Variants in DIAPH3 observed in about 807,000 individuals in gnomAD.
DIAPH3 encodes diaphanous related formin 3.
A neutral mutation model predicts 144.3 loss-of-function variants in DIAPH3; 117 were observed. That is an observed-to-expected ratio of 0.81 (90% CI 0.70 to 0.95). DIAPH3 has a LOEUF of 0.95. Ranked by LOEUF, DIAPH3 falls within the 40% of genes least tolerant of loss-of-function variation. The probability of loss-of-function intolerance (pLI) is 0.00; values close to 1 mark genes in which losing one functional copy is unlikely to be tolerated. For synonymous variants in DIAPH3, 519 were observed against 488.9 expected (o/e 1.06, Z -0.81); for missense variants, 1,421 against 1,412.7 (o/e 1.01, Z -0.09).
At chr13:59,722,175 C>A (rs2035378204) in intron 27 of DIAPH3, among the ~76,000 whole-genome samples, 1 of 152,132 alleles carries the variant, frequency 6.6e-6, no homozygotes, top group Non-Finnish European at 1.5e-5. Context: ...CGGTATACGT[C>A]CTCATAGAAG....
intron 2 of DIAPH3, among the ~76,000 whole-genome samples, chr13:60,126,965 G>A (rs1376383150): frequency 1.3e-5 from 2 of 151,446 alleles, no homozygotes; most frequent in African/African-American, 4.8e-5. Context: ...TAAGAAATCA[G>A]AGAAAAAAAT....
intron 22 of DIAPH3, among the ~76,000 whole-genome samples, chr13:59,860,655 A>G (rs151013670): frequency 0.096 from 14,643 of 151,816 alleles, 739 homozygotes; most frequent in Admixed American, 0.14. Flanking sequence ...GGAGAATGGC[A>G]TGAACCTGGG....
chr13:59,981,851 G>C (rs368268228), intron 13 of DIAPH3, among the ~76,000 whole-genome samples: 1 of 150,878 alleles, frequency 6.6e-6, no homozygotes, highest in East Asian at 2.0e-4. Flanking sequence ...ATTATTTCTT[G>C]ATTTATCTAT....
intron 27 of DIAPH3, among the ~76,000 whole-genome samples, chr13:59,750,138 G>A (rs1056061653): frequency 2.0e-5 from 3 of 152,118 alleles, no homozygotes; most frequent in African/African-American, 4.8e-5. Context: ...GATATAACAA[G>A]CCTACAATAT....
rs59114311 is a variant in DIAPH3, at chr13:59,905,342, C to CAAAAAAAAAAAAAA, written c.2367+6379_2367+6392dup. ...TGGGCGACAGAGCGAGACTCTGTCT[C>CAAAAAAAAAAAAAA]AAAAAAAAAAAAAAAAAAAAAAAAA... On this transcript the variant is annotated intron_variant, in intron 20 of 27. Transcript: ENST00000400324. Among the ~76,000 whole-genome samples, 98 of 69,750 alleles carry CAAAAAAAAAAAAAA rather than the reference C, an allele frequency of 1.4e-3. 6 individuals are homozygous for CAAAAAAAAAAAAAA. The highest frequency in any genetic ancestry group is 2.4e-3 in the Admixed American group (13 of 5,360). 45.8% of individuals were successfully genotyped at this position (69,750 alleles called of 152,430 possible). A position where few individuals can be genotyped will look rare whatever the true frequency, so the allele number is the denominator to read the frequency against.
At chr13:60,115,677 CTT>C (rs533462271) in intron 2 of DIAPH3, among the ~76,000 whole-genome samples, 32 of 151,948 alleles carry the variant, frequency 2.1e-4, no homozygotes, top group Non-Finnish European at 3.5e-4. Flanking sequence ...TTAATTTTAA[CTT>C]TTTTTATAAT....
In DIAPH3 at chr13:59,793,606, G is replaced by A. The variant is rs575263302; in HGVS notation, c.3163+17182C>T. Among the ~76,000 whole-genome samples, 15 of 152,208 alleles carry A rather than the reference G, an allele frequency of 9.9e-5. No individual in the cohort carries two copies. The East Asian group carries it at 2.9e-3, about 29-fold the overall frequency. On this transcript the variant is annotated intron_variant, in intron 25 of 27. Transcript: ENST00000400324. ...TTCTTGGTCTTCCTACTACTTTCAT[G>A]TGACTCCCTTGTCAAGGTCCTCTTC...
intron 27 of DIAPH3, among the ~76,000 whole-genome samples, chr13:59,677,749 T>C (rs909586007): frequency 2.0e-5 from 3 of 152,188 alleles, no homozygotes; most frequent in African/African-American, 7.2e-5. Context: ...TGAAAATGAA[T>C]TGTTCCAATA....
chr13:59,812,981 A>G (rs1040345553), intron 24 of DIAPH3, among the ~76,000 whole-genome samples: 1 of 152,148 alleles, frequency 6.6e-6, no homozygotes, highest in Admixed American at 6.5e-5. Flanking sequence ...GTTACTGCCC[A>G]GAATGATAAA....
chr13:59,932,331 A>G (rs1037617917), intron 17 of DIAPH3, among the ~76,000 whole-genome samples: 3 of 152,136 alleles, frequency 2.0e-5, no homozygotes, highest in African/African-American at 7.2e-5. Context: ...ACTGCACTGA[A>G]GGCTTTCTGT....
chr13:59,880,442 T>C (rs2044939391), intron 20 of DIAPH3, among the ~76,000 whole-genome samples: 1 of 152,098 alleles, frequency 6.6e-6, no homozygotes, highest in Non-Finnish European at 1.5e-5. Context: ...CAGATTAAAA[T>C]AGGGACTGTT....
intron 2 of DIAPH3, among the ~76,000 whole-genome samples, chr13:60,126,429 A>G (rs2058990921): frequency 6.6e-6 from 1 of 152,200 alleles, no homozygotes. Flanking sequence ...AGTCACAACA[A>G]TCTTATATAT....
At chr13:59,674,193 C>T (rs148643365) in intron 27 of DIAPH3, among the ~76,000 whole-genome samples, 2 of 152,216 alleles carry the variant, frequency 1.3e-5, no homozygotes, top group African/African-American at 4.8e-5. Flanking sequence ...GGCATAATAT[C>T]GATATGATCA....
rs1203515707 is a variant in DIAPH3 at position 59,830,292 on chromosome 13, AC to A, written c.3027+2814del. Among the ~76,000 whole-genome samples, 6 of 151,812 alleles carry A rather than the reference AC, an allele frequency of 4.0e-5. 1 individual carries two copies. In the East Asian group the frequency reaches 9.6e-4, roughly 24 times the overall value. ...AAATTTAAACAATATAACCATATTT[AC>A]CCCCCAAAAAGAAAGAAAAATAGAA... On this transcript the variant is annotated intron_variant, in intron 24 of 27. Coordinates refer to ENST00000400324, the MANE Select transcript of DIAPH3 (RefSeq NM_001042517.2).
At chr13:60,098,933 A>C (rs2137664) in intron 3 of DIAPH3, among the ~76,000 whole-genome samples, 91,091 of 151,954 alleles carry the variant, frequency 0.6, 27,677 homozygotes, top group Admixed American at 0.63. Context: ...ATGAGGTTAA[A>C]ATTTCCATGG....
At chr13:60,146,237 T>G (rs896478588) in intron 1 of DIAPH3, among the ~76,000 whole-genome samples, 2 of 152,248 alleles carry the variant, frequency 1.3e-5, no homozygotes, top group African/African-American at 4.8e-5. Flanking sequence ...ATATAGTTAC[T>G]GCACATCTAA....
At position 59,916,213 on chromosome 13, in the gene DIAPH3, T is replaced by C; in HGVS notation, c.2207A>G (p.Glu736Gly). 1 of 1,613,378 alleles carries C rather than the reference T, an allele frequency of 6.2e-7. No homozygotes were observed. The highest frequency in any genetic ancestry group is 8.5e-7 in the Non-Finnish European group (1 of 1,179,526). Reference protein sequence around the residue: ...FLSSFRVPYEEIRMMILEVDE... With the variant: ...FLSSFRVPYEGIRMMILEVDE... ...TACTTCCAATATCATCATTCTGATT[T>C]CCTCATATGGCACCCGAAAAGAGCT... The change falls in exon 19 of 28, where the codon GAA becomes GGA. Residue 736 changes from glutamate to glycine, a missense_variant. Physicochemically the swap from Glu to Gly is moderately conservative, Grantham distance 98. Coordinates refer to ENST00000400324, the MANE Select transcript of DIAPH3 (RefSeq NM_001042517.2).
At chr13:60,100,478 A>G (rs1480590303) in intron 3 of DIAPH3, among the ~76,000 whole-genome samples, 1 of 152,210 alleles carries the variant, frequency 6.6e-6, no homozygotes, top group Non-Finnish European at 1.5e-5. Context: ...CTGGAAGAAA[A>G]AAAAGACATG....
At chr13:59,778,171 A>G (rs2038525269) in intron 25 of DIAPH3, among the ~76,000 whole-genome samples, 1 of 152,182 alleles carries the variant, frequency 6.6e-6, no homozygotes, top group Admixed American at 6.5e-5. Flanking sequence ...TTTCTTCACC[A>G]AGCTAGCTCT....
Sources: allele counts gnomAD v4.1 joint callset (sites outside exome capture counted in the v4.1 genomes callset), GRCh38; gene constraint gnomAD v4.1.1; transcripts MANE v1.5; gene names NCBI Gene and HGNC (gene_info 2026-07-23, HGNC 2026-07-21).